Variants in SUPT3H observed in about 807,000 individuals in gnomAD.
SUPT3H encodes the protein transcription initiation protein SPT3 homolog.
SUPT3H carries 44 observed loss-of-function variants against 44.3 expected under a neutral mutation model. The observed-to-expected ratio is 0.99, with a 90% confidence interval of 0.78 to 1.28. The LOEUF (loss-of-function observed/expected upper bound fraction) is 1.28. SUPT3H is among the 50% of genes most tolerant of loss of function. The pLI is 0.00. For missense variants in SUPT3H, 380 were observed against 387.1 expected (o/e 0.98, Z 0.15); for synonymous variants, 124 against 125.6 (o/e 0.99, Z 0.09).
chr6:45,233,877 G>T (rs1336530169), intron 2 of SUPT3H, among the ~76,000 whole-genome samples: 1 of 152,102 alleles, frequency 6.6e-6, no homozygotes, highest in Non-Finnish European at 1.5e-5. Context: ...TTTTAGAACA[G>T]TATGACTAAA....
intron 3 of SUPT3H, among the ~76,000 whole-genome samples, chr6:45,063,562 A>C (rs1215070431): frequency 3.7e-5 from 4 of 109,340 alleles, no homozygotes; most frequent in African/African-American, 1.4e-4. Context: ...AAACTTTGAA[A>C]AAAATTTAGA....
chr6:45,286,141 C>T (rs915735020), intron 2 of SUPT3H, among the ~76,000 whole-genome samples: 2 of 151,572 alleles, frequency 1.3e-5, no homozygotes, highest in African/African-American at 4.9e-5. Context: ...ACCATAAAAA[C>T]CCTAGAAGAA....
chr6:44,947,513 G>A (rs574307392), intron 9 of SUPT3H, among the ~76,000 whole-genome samples: 4 of 152,246 alleles, frequency 2.6e-5, no homozygotes, highest in African/African-American at 9.6e-5. Context: ...GATGTAAGCA[G>A]TCAGCCTAAT....
chr6:44,914,560 C>T lies in SUPT3H; in HGVS notation c.912+18093G>A, dbSNP rs77342531. On this transcript the variant is annotated intron_variant, in intron 10 of 10. Coordinates refer to ENST00000371459, the MANE Select transcript of SUPT3H (RefSeq NM_003599.4). ...TCCTGGACAGTAATAATCAAACAAT[C>T]TTATGATTTCTTTTGGCTGCCCTGC... Among the ~76,000 whole-genome samples the T allele has an allele frequency of 6.5e-3, 991 of 152,278 alleles. 13 individuals are homozygous for T. The highest frequency in any genetic ancestry group is 0.023 in the African/African-American group (936 of 41,562).
At chr6:44,929,126 C>T (rs1010774197) in intron 10 of SUPT3H, among the ~76,000 whole-genome samples, 7 of 151,798 alleles carry the variant, frequency 4.6e-5, no homozygotes, top group Admixed American at 4.6e-4. Context: ...TCTCCTTCTT[C>T]CCCAGCTAAC....
intron 2 of SUPT3H, among the ~76,000 whole-genome samples, chr6:45,352,592 G>C (rs1481758180): frequency 6.6e-6 from 1 of 152,056 alleles, no homozygotes; most frequent in East Asian, 1.9e-4. Flanking sequence ...TAGGAACAAA[G>C]TACATTTTAT....
intron 2 of SUPT3H, among the ~76,000 whole-genome samples, chr6:45,276,239 G>C (rs1318923779): frequency 1.3e-5 from 2 of 151,982 alleles, no homozygotes; most frequent in African/African-American, 4.8e-5. Flanking sequence ...CATATAAATA[G>C]AATAATATAG....
At chr6:45,120,667 G>A (rs1370826727) in intron 2 of SUPT3H, among the ~76,000 whole-genome samples, 1 of 151,996 alleles carries the variant, frequency 6.6e-6, no homozygotes, top group Admixed American at 6.6e-5. Context: ...CTATTAAAAG[G>A]CTGAACAAAT....
chr6:45,197,781 A>T (rs895191434), intron 2 of SUPT3H: 1 of 172,844 alleles, frequency 5.8e-6, no homozygotes, highest in African/African-American at 2.4e-5. Flanking sequence ...GTCTTTTAAT[A>T]AGAATTTGAC....
At chr6:44,916,561 A>G (rs1210831908) in intron 10 of SUPT3H, among the ~76,000 whole-genome samples, 1 of 152,180 alleles carries the variant, frequency 6.6e-6, no homozygotes, top group Non-Finnish European at 1.5e-5. Context: ...AGAACATATT[A>G]TTACTAACTG....
intron 9 of SUPT3H, among the ~76,000 whole-genome samples, chr6:44,949,994 C>G (rs1385265324): frequency 6.6e-6 from 1 of 152,198 alleles, no homozygotes; most frequent in Non-Finnish European, 1.5e-5. Flanking sequence ...ATATTCATAG[C>G]AGGTTTATTC....
chr6:44,925,903 C>G (rs3799984), intron 10 of SUPT3H, among the ~76,000 whole-genome samples: 68,767 of 151,912 alleles, frequency 0.45, 16,049 homozygotes, highest in Admixed American at 0.55. Context: ...ATTCTTCAAA[C>G]AAATGCCAAT....
chr6:44,991,991 A>G (rs1780681294), intron 6 of SUPT3H, among the ~76,000 whole-genome samples: 1 of 152,178 alleles, frequency 6.6e-6, no homozygotes, highest in Non-Finnish European at 1.5e-5. Context: ...GGTAAGGAGA[A>G]AGAATAGGGA....
intron 2 of SUPT3H, among the ~76,000 whole-genome samples, chr6:45,142,948 T>C (rs1367044296): frequency 6.6e-6 from 1 of 150,592 alleles, no homozygotes; most frequent in African/African-American, 2.5e-5. Flanking sequence ...GCAACGACAA[T>C]TAAAAAAAAA....
At chr6:45,150,708 T>C (rs1372952396) in intron 2 of SUPT3H, among the ~76,000 whole-genome samples, 1 of 147,982 alleles carries the variant, frequency 6.8e-6, no homozygotes, top group Non-Finnish European at 1.5e-5. Flanking sequence ...CTACTTATAA[T>C]CTTTATTCTG....
At chr6:45,321,985 T>A in intron 2 of SUPT3H, 1 of 734,068 alleles carries the variant, frequency 1.4e-6, no homozygotes, top group South Asian at 1.7e-5. Flanking sequence ...TAAAAAGTCT[T>A]GTGACCTCCC....
At chr6:45,063,268 A>G in intron 3 of SUPT3H, among the ~76,000 whole-genome samples, 1 of 147,220 alleles carries the variant, frequency 6.8e-6, no homozygotes, top group East Asian at 2.0e-4. Context: ...TTAGAAGGAA[A>G]ACTAACAAAC....
At chr6:45,257,615 T>G (rs1773626123) in intron 2 of SUPT3H, among the ~76,000 whole-genome samples, 1 of 152,106 alleles carries the variant, frequency 6.6e-6, no homozygotes, top group Admixed American at 6.5e-5. Context: ...TAATAAAAAT[T>G]TATTGTCTCA....
chr6:44,955,769 G>A (rs1775032022), intron 7 of SUPT3H, among the ~76,000 whole-genome samples: 1 of 152,124 alleles, frequency 6.6e-6, no homozygotes, highest in African/African-American at 2.4e-5. Context: ...TGCACATTGG[G>A]TACAATATAC....
Sources: gnomAD v4.1 joint callset for allele counts (sites outside exome capture counted in the v4.1 genomes callset) on GRCh38, gnomAD v4.1.1 for gene constraint, MANE v1.5 for transcripts, NCBI Gene and HGNC (gene_info 2026-07-23, HGNC 2026-07-21) for gene names.